STK32B: variants seen among roughly 807,000 people sequenced by gnomAD.
STK32B encodes serine/threonine kinase 32B, also known as serine/threonine-protein kinase 32B.
Under a neutral mutation model 52.6 loss-of-function variants are expected in STK32B, and 43 were observed. The observed-to-expected ratio is 0.82, with a 90% CI of 0.64 to 1.05. The LOEUF (loss-of-function observed/expected upper bound fraction) is 1.05, where lower values mean the gene tolerates loss of function less well. Among genes scored for constraint, STK32B ranks in the 50% least tolerant of loss-of-function variants. The probability of loss-of-function intolerance (pLI) is 0.00; values close to 1 mark genes in which losing one functional copy is unlikely to be tolerated. For missense variants in STK32B, 621 were observed against 534.6 expected (o/e 1.16, Z -1.59); for synonymous variants, 238 against 204.3 (o/e 1.17, Z -1.41).
At chr4:5,449,818 C>T (rs1437457661) in intron 7 of STK32B, among the ~76,000 whole-genome samples, 1 of 152,174 alleles carries the variant, frequency 6.6e-6, no homozygotes, top group Non-Finnish European at 1.5e-5. Context: ...TTATGAGAAT[C>T]TAATGCCTGA....
chr4:5,094,415 G>A (rs1212420933), intron 1 of STK32B, among the ~76,000 whole-genome samples: 7 of 152,198 alleles, frequency 4.6e-5, no homozygotes, highest in African/African-American at 1.7e-4. Flanking sequence ...CATTTTGAGA[G>A]GCCTAGGTGG....
At chr4:5,218,633 A>G (rs1180689259) in intron 3 of STK32B, among the ~76,000 whole-genome samples, 1 of 152,130 alleles carries the variant, frequency 6.6e-6, no homozygotes, top group Non-Finnish European at 1.5e-5. Context: ...TTCCTTTTAC[A>G]ATTTCATAGG....
chr4:5,210,492 C>T (rs541722482), intron 3 of STK32B, among the ~76,000 whole-genome samples: 63 of 152,258 alleles, frequency 4.1e-4, no homozygotes, highest in African/African-American at 1.5e-3. Context: ...TTTTCTTGTC[C>T]TGCCCTCACC....
chr4:5,029,023 A>T, the STK32B span, among the ~76,000 whole-genome samples: 1 of 152,208 alleles, frequency 6.6e-6, no homozygotes, highest in African/African-American at 2.4e-5. Flanking sequence ...ACTCACTATC[A>T]TGATGACAAC....
At chr4:5,365,398 G>A (rs1734812243) in intron 4 of STK32B, among the ~76,000 whole-genome samples, 1 of 152,064 alleles carries the variant, frequency 6.6e-6, no homozygotes, top group African/African-American at 2.4e-5. Context: ...GTAGGTTCTT[G>A]GTGTGTCCAG....
intron 11 of STK32B, among the ~76,000 whole-genome samples, chr4:5,497,032 G>A (rs1159350827): frequency 2.0e-5 from 3 of 152,160 alleles, no homozygotes; most frequent in Non-Finnish European, 4.4e-5. Flanking sequence ...TTGTAGTGAG[G>A]CAGTCTTTGA....
chr4:5,159,631 ATATATATATGAATG>A lies in STK32B; in HGVS notation c.109-8662_109-8649del, dbSNP rs1382381414. Among the ~76,000 whole-genome samples the A allele has an allele frequency of 6.3e-5, 5 of 79,342 alleles. 1 individual carries two copies. Among genetic ancestry groups the A allele is most frequent in the African/African-American group, 4.1e-4 (5 of 12,152 alleles). The allele number at this position is 79,342 out of a possible 152,430, so 52.1% of individuals were successfully genotyped here. On this transcript the variant is annotated intron_variant, in intron 2 of 11. Coordinates refer to ENST00000282908, the MANE Select transcript of STK32B (RefSeq NM_018401.3). ...TATGAATATATATGAATATATATGA[ATATATATATGAATG>A]TATATGAATATATATATGAATGTAT... is the stretch of plus-strand genomic sequence containing the variant.
At chr4:5,447,435 C>T (rs776009493) in intron 7 of STK32B, 5 of 151,886 alleles carry the variant, frequency 3.3e-5, no homozygotes, top group African/African-American at 4.8e-5. Flanking sequence ...TGAGACCAGC[C>T]TGGGAAACAT....
At position 5,394,043 on chromosome 4, in the gene STK32B, T is replaced by C. The variant is rs1480643602; in HGVS notation, c.435-4164T>C. On this transcript the variant is annotated intron_variant, in intron 4 of 11. Coordinates refer to ENST00000282908, the MANE Select transcript of STK32B (RefSeq NM_018401.3). The surrounding 1 kb of genome is among the most constrained non-coding windows in gnomAD (Gnocchi z 4.2). ...TGCATAAGATTGCCAGCATAGAATA[T>C]TGAGAAGCCCCCTGCCAAAAGACAC... 1.3e-5 allele frequency among the ~76,000 whole-genome samples: 2 copies of C among 152,200 alleles called. No individual in the cohort carries two copies. The highest frequency in any genetic ancestry group is 2.9e-5 in the Non-Finnish European group (2 of 68,032).
chr4:5,138,212 A>G (rs1716191384), intron 1 of STK32B, among the ~76,000 whole-genome samples: 1 of 152,354 alleles, frequency 6.6e-6, no homozygotes, highest in East Asian at 1.9e-4. Flanking sequence ...CCGTCTCTCT[A>G]TTCTAAGCAC....
intron 4 of STK32B, among the ~76,000 whole-genome samples, chr4:5,357,818 A>T (rs963464072): frequency 6.6e-6 from 1 of 151,980 alleles, no homozygotes; most frequent in African/African-American, 2.4e-5. Context: ...TTTGTATCCC[A>T]GATAGCTCCC....
chr4:5,158,517 T>A (rs1415159233), intron 2 of STK32B, among the ~76,000 whole-genome samples: 1 of 152,196 alleles, frequency 6.6e-6, no homozygotes, highest in Non-Finnish European at 1.5e-5. Context: ...TCGTTCGTAA[T>A]TGTATACTTA....
chr4:5,066,925 CTCCT>C (rs1742447897), intron 1 of STK32B, among the ~76,000 whole-genome samples: 1 of 152,202 alleles, frequency 6.6e-6, no homozygotes, highest in South Asian at 2.1e-4. Context: ...TTATCACATG[CTCCT>C]TCATAGCATT....
At chr4:5,299,137 A>G (rs940950693) in intron 3 of STK32B, among the ~76,000 whole-genome samples, 5 of 150,454 alleles carry the variant, frequency 3.3e-5, no homozygotes, top group Admixed American at 6.6e-5. Flanking sequence ...CTACTGTCTA[A>G]CCAGTTCCAG....
At chr4:5,161,034 G>T (rs1718399866) in intron 2 of STK32B, among the ~76,000 whole-genome samples, 1 of 152,162 alleles carries the variant, frequency 6.6e-6, no homozygotes, top group Admixed American at 6.5e-5. Flanking sequence ...AGGGCCTGGG[G>T]ATCCACAGTG....
chr4:5,064,844 A>T, intron 1 of STK32B, among the ~76,000 whole-genome samples: 1 of 142,980 alleles, frequency 7.0e-6, no homozygotes, highest in South Asian at 2.1e-4. Flanking sequence ...ATATATAAAT[A>T]TGCATATATA....
At chr4:5,410,766 G>T (rs1711592538) in intron 5 of STK32B, among the ~76,000 whole-genome samples, 1 of 152,202 alleles carries the variant, frequency 6.6e-6, no homozygotes, top group South Asian at 2.1e-4. Context: ...AATAAGGAAT[G>T]AAGAAAGGTG....
chr4:5,298,218 T>C (rs1011064079), intron 3 of STK32B, among the ~76,000 whole-genome samples: 1 of 152,168 alleles, frequency 6.6e-6, no homozygotes, highest in South Asian at 2.1e-4. Flanking sequence ...AAGGTGTCTG[T>C]CGACCCCTGC....
At chr4:5,196,420 TA>T (rs1721674965) in intron 3 of STK32B, among the ~76,000 whole-genome samples, 1 of 126,714 alleles carries the variant, frequency 7.9e-6, no homozygotes, top group Non-Finnish European at 1.6e-5. Context: ...CTAACAGAAA[TA>T]TTTTAAAATT....
Sources: allele counts gnomAD v4.1 joint callset (sites outside exome capture counted in the v4.1 genomes callset), GRCh38; gene constraint gnomAD v4.1.1; non-coding constraint Gnocchi (gnomAD v3.1); transcripts MANE v1.5; gene names NCBI Gene and HGNC (gene_info 2026-07-23, HGNC 2026-07-21).